The following PTPRK variants were observed in gnomAD, a reference collection of about 807,000 sequenced individuals.
PTPRK encodes the protein protein tyrosine phosphatase receptor type K, also known as receptor-type tyrosine-protein phosphatase kappa.
A neutral mutation model predicts 178.0 loss-of-function variants in PTPRK; 75 were observed. The observed-to-expected ratio is 0.42, with a 90% CI of 0.35 to 0.51. PTPRK has a LOEUF of 0.51. Ranked by LOEUF, PTPRK falls within the 20% of genes least tolerant of loss-of-function variation. The pLI, the probability that PTPRK is intolerant of heterozygous loss-of-function variation, is 0.02. For missense variants in PTPRK, 1,441 were observed against 1,797.8 expected (o/e 0.80, Z 3.59); for synonymous variants, 637 against 620.6 (o/e 1.03, Z -0.39).
chr6:128,464,622 T>TATATATATATATACAC lies in PTPRK; in HGVS notation c.100+55621_100+55636dup, dbSNP rs1279962654. ...TTAAATATATATATATACATATACA[T>TATATATATATATACAC]ATATATATATATACACATATATATA... On this transcript the variant is annotated intron_variant, in intron 1 of 29. Coordinates refer to ENST00000368226, the MANE Select transcript of PTPRK (RefSeq NM_002844.4). Among the ~76,000 whole-genome samples, 42 of 66,308 alleles carry TATATATATATATACAC rather than the reference T, an allele frequency of 6.3e-4. 1 individual carries two copies. Among genetic ancestry groups the TATATATATATATACAC allele is most frequent in the African/African-American group, 3.8e-3 (41 of 10,752 alleles). The allele number at this position is 66,308 out of a possible 152,430, so 43.5% of individuals were successfully genotyped here.
At chr6:128,014,692 C>G (rs1283836616) in intron 13 of PTPRK, among the ~76,000 whole-genome samples, 1 of 151,498 alleles carries the variant, frequency 6.6e-6, no homozygotes, top group African/African-American at 2.4e-5. Flanking sequence ...TCTTAGCTGC[C>G]TATTATATAA....
intron 22 of PTPRK, 69 bp from the exon 23 acceptor site, chr6:127,983,446 T>G (rs1775594682): frequency 6.6e-7 from 1 of 1,520,262 alleles, no homozygotes; most frequent in African/African-American, 1.4e-5. Flanking sequence ...ATAAGGACTT[T>G]TTCCACTGTC....
At chr6:128,087,689 G>A (rs1786142847) in intron 8 of PTPRK, among the ~76,000 whole-genome samples, 1 of 152,002 alleles carries the variant, frequency 6.6e-6, no homozygotes, top group African/African-American at 2.4e-5. Flanking sequence ...ATCATGTTTG[G>A]TTACCTCAAA....
At chr6:128,023,591 CA>C (rs200376154) in intron 13 of PTPRK, among the ~76,000 whole-genome samples, 2 of 151,498 alleles carry the variant, frequency 1.3e-5, no homozygotes, top group Non-Finnish European at 2.9e-5. Context: ...ATGATTAAAA[CA>C]AAAAAAACCA....
chr6:128,330,349 A>T (rs188818394), intron 2 of PTPRK, among the ~76,000 whole-genome samples: 1 of 151,522 alleles, frequency 6.6e-6, no homozygotes, highest in Admixed American at 6.6e-5. Flanking sequence ...TCATCTTTTC[A>T]TTTCCTTTTT....
chr6:128,352,303 C>T (rs1170325055), intron 2 of PTPRK, among the ~76,000 whole-genome samples: 1 of 148,386 alleles, frequency 6.7e-6, no homozygotes, highest in African/African-American at 2.5e-5. Context: ...TCACAGAAAC[C>T]CTAAAACAAA....
chr6:128,286,764 T>C (rs376063478), intron 3 of PTPRK, among the ~76,000 whole-genome samples: 389 of 152,338 alleles, frequency 2.6e-3, no homozygotes, highest in African/African-American at 8.7e-3. Context: ...CACACTGTTA[T>C]GTGTAAATTA....
At chr6:128,236,248 G>A (rs531959931) in intron 5 of PTPRK, among the ~76,000 whole-genome samples, 144 of 150,540 alleles carry the variant, frequency 9.6e-4, no homozygotes, top group Non-Finnish European at 1.6e-3. Context: ...CAAAAAATGC[G>A]TTTATATCCA....
At position 128,238,204 on chromosome 6, in the gene PTPRK, A is replaced by AG. The variant is rs1353040116; in HGVS notation, c.693+1830_693+1831insC. On this transcript the variant is annotated intron_variant, in intron 5 of 29. Transcript: ENST00000368226. Reference sequence around the variant, plus strand: ...AAACGCCAAAAAAAAAAAAAAAAAGAAAAGAAAAAAAAAAGAGGTGAGGTA... The same window carrying AG: ...AAACGCCAAAAAAAAAAAAAAAAAGAGAAAGAAAAAAAAAAGAGGTGAGGTA... The AG allele has an allele frequency of 1.1e-3, 420 of 396,720 alleles. 2 individuals are homozygous for AG. Among genetic ancestry groups the AG allele is most frequent in the African/African-American group, 9.1e-3 (389 of 42,842 alleles). The allele number at this position is 396,720 out of a possible 1,614,324, so 24.6% of individuals were successfully genotyped here. A position where few individuals can be genotyped will look rare whatever the true frequency, so the allele number is the denominator to read the frequency against.
chr6:128,355,575 A>G (rs912164457), intron 2 of PTPRK, among the ~76,000 whole-genome samples: 23 of 152,264 alleles, frequency 1.5e-4, no homozygotes, highest in African/African-American at 5.3e-4. Flanking sequence ...AATTCTAAAA[A>G]CTGGGGAACG....
chr6:128,159,329 G>T (rs1798358564), intron 7 of PTPRK, among the ~76,000 whole-genome samples: 1 of 151,800 alleles, frequency 6.6e-6, no homozygotes, highest in African/African-American at 2.4e-5. Flanking sequence ...CAATGAAGTA[G>T]ATCAAAGCCC....
At chr6:128,266,747 C>G (rs1819014795) in intron 3 of PTPRK, among the ~76,000 whole-genome samples, 2 of 152,080 alleles carry the variant, frequency 1.3e-5, no homozygotes, top group South Asian at 4.1e-4. Context: ...AGAAATAAAA[C>G]AAACTTGTGC....
intron 5 of PTPRK, among the ~76,000 whole-genome samples, chr6:128,237,539 G>A (rs1272073012): frequency 1.3e-5 from 2 of 152,134 alleles, no homozygotes; most frequent in Non-Finnish European, 2.9e-5. Flanking sequence ...CAAAAATAAC[G>A]TAAAGACCTA....
At chr6:128,361,417 G>T (rs548733839) in intron 2 of PTPRK, among the ~76,000 whole-genome samples, 1 of 152,214 alleles carries the variant, frequency 6.6e-6, no homozygotes, top group Non-Finnish European at 1.5e-5. Context: ...CACACTGGAT[G>T]ATCCTTTAAA....
intron 3 of PTPRK, among the ~76,000 whole-genome samples, chr6:128,262,789 T>C (rs1416516): frequency 7.0e-6 from 1 of 142,830 alleles, no homozygotes. Flanking sequence ...TTTTTTATAA[T>C]ACAAAGTTAA....
chr6:128,305,951 T>C (rs572053405), intron 3 of PTPRK, among the ~76,000 whole-genome samples: 32 of 152,324 alleles, frequency 2.1e-4, no homozygotes, highest in Non-Finnish European at 4.0e-4. Context: ...TTTACAATCA[T>C]GGCAGAAGGC....
chr6:128,049,740 A>C (rs572163880), intron 13 of PTPRK, among the ~76,000 whole-genome samples: 3 of 152,216 alleles, frequency 2.0e-5, no homozygotes, highest in Non-Finnish European at 4.4e-5. Context: ...ATCGCAGTAT[A>C]AATTCTTGAT....
At chr6:128,293,293 G>A (rs1312372981) in intron 3 of PTPRK, among the ~76,000 whole-genome samples, 1 of 152,018 alleles carries the variant, frequency 6.6e-6, no homozygotes, top group African/African-American at 2.4e-5. Flanking sequence ...TGGTTGTCTG[G>A]TGAAGGCTGC....
At chr6:128,233,431 A>T (rs2128280061) in intron 5 of PTPRK, among the ~76,000 whole-genome samples, 1 of 152,230 alleles carries the variant, frequency 6.6e-6, no homozygotes, top group Admixed American at 6.5e-5. Context: ...TTTTAGACCA[A>T]CCGCTTTCAC....
Sources: allele counts gnomAD v4.1 joint callset (sites outside exome capture counted in the v4.1 genomes callset), GRCh38; gene constraint gnomAD v4.1.1; transcripts MANE v1.5; gene names NCBI Gene and HGNC (gene_info 2026-07-23, HGNC 2026-07-21).